The following ITGA3 variants were observed in gnomAD, a reference collection of about 807,000 sequenced individuals.
ITGA3 encodes the protein integrin subunit alpha 3.
A neutral mutation model predicts 131.1 loss-of-function variants in ITGA3; 70 were observed. The ratio of observed to expected loss-of-function variants is 0.53; its 90% CI spans 0.44 to 0.65. The LOEUF is 0.65. Ranked by LOEUF, ITGA3 falls within the 30% of genes least tolerant of loss-of-function variation. The probability of loss-of-function intolerance (pLI) is 0.00; values close to 1 mark genes in which losing one functional copy is unlikely to be tolerated. For missense variants in ITGA3, 1,098 were observed against 1,388.6 expected, an observed-to-expected ratio of 0.79 and a Z score of 3.33; for synonymous variants, 537 against 571.6, an observed-to-expected ratio of 0.94 and a Z score of 0.86.
chr17:50,088,351 C>G lies in ITGA3; in HGVS notation c.*16C>G. ...CGACTACTGAGGGGGCAGCCCCCCG[C>G]CCCCGGCCCACCTGGGTAACACGGC... On this transcript the variant is annotated 3_prime_UTR_variant, in exon 25 of 26. Transcript: ENST00000320031. 6.5e-7 allele frequency: 1 copy of G among 1,547,772 alleles called. No individual in the cohort carries two copies. Among genetic ancestry groups the G allele is most frequent in the Non-Finnish European group, 8.8e-7 (1 of 1,142,734 alleles).
chr17:50,087,902 C>A, intron 24 of ITGA3, 33 bp downstream of exon 24: 1 of 1,526,904 alleles, frequency 6.5e-7, no homozygotes, highest in Non-Finnish European at 8.9e-7. Flanking sequence ...GCTCCGGGAC[C>A]TCCACCAGCA....
chr17:50,076,530 C>A (rs1390476298), intron 13 of ITGA3, 54 bp from the exon 14 acceptor site: 10 of 1,594,784 alleles, frequency 6.3e-6, no homozygotes, highest in Non-Finnish European at 7.7e-6. Context: ...GGCGGTGGGG[C>A]GAGAGGGCAC....
rs751422066 is a variant in ITGA3, at chr17:50,077,131, C to T, written c.2070+10C>T. ...GTCCTCAGTGCGCCCCGTGAGTGCC[C>T]GCCGGCCGGCTCAGAGCCCAAGCAG... On this transcript the variant is annotated intron_variant, in intron 15 of 25. Coordinates refer to ENST00000320031, the MANE Select transcript of ITGA3 (RefSeq NM_002204.4). 5.9e-6 allele frequency: 9 copies of T among 1,531,362 alleles called. No individual in the cohort carries two copies. In the South Asian group the frequency reaches 6.0e-5, roughly 10 times the overall value. The allele number at this position is 1,531,362 out of a possible 1,614,324, so 94.9% of individuals were successfully genotyped here.
chr17:50,069,604 T>C (rs1434561205), intron 4 of ITGA3, among the ~76,000 whole-genome samples: 4 of 152,206 alleles, frequency 2.6e-5, no homozygotes. Context: ...AGGTTGAGGC[T>C]GCAGTGAGCT....
At chr17:50,072,570 G>A (rs1439819231) in intron 7 of ITGA3, among the ~76,000 whole-genome samples, 1 of 152,112 alleles carries the variant, frequency 6.6e-6, no homozygotes, top group Non-Finnish European at 1.5e-5. Context: ...GAGGATGGAT[G>A]CTTTGAAAGC....
rs1908747393 is a variant in ITGA3 at position 50,073,859 on chromosome 17, A to G, written c.1157-57A>G. 6 of 1,263,016 alleles carry G rather than the reference A, an allele frequency of 4.8e-6. No individual in the cohort carries two copies. The Admixed American group carries it at 5.0e-5, about 11-fold the overall frequency. 78.2% of individuals were successfully genotyped at this position (1,263,016 alleles called of 1,614,324 possible). ...GCTGTATGGCCTGGAGCAAAGAGTT[A>G]GGGAGACGTGGGGCCCAGAGTACCT... On this transcript the variant is annotated intron_variant, in intron 7 of 25. Transcript: ENST00000320031.
At chr17:50,075,119 A>G (rs1908820378) in intron 10 of ITGA3, among the ~76,000 whole-genome samples, 1 of 152,160 alleles carries the variant, frequency 6.6e-6, no homozygotes, top group Non-Finnish European at 1.5e-5. Context: ...GAGCAGGGAA[A>G]TGGGGTGGTT....
chr17:50,078,258 C>G lies in ITGA3; in HGVS notation c.2271C>G (p.Asp757Glu), dbSNP rs1909014493. 1 of 1,613,876 alleles carries G rather than the reference C, an allele frequency of 6.2e-7. No homozygotes were observed. Among genetic ancestry groups the G allele is most frequent in the Non-Finnish European group, 8.5e-7 (1 of 1,179,914 alleles). The change falls in exon 18 of 26, where the codon GAC becomes GAG. Residue 757 changes from aspartate (D) to glutamate (E), a missense_variant. By Grantham distance (45) the Asp-to-Glu change is conservative. Coordinates refer to ENST00000320031, the MANE Select transcript of ITGA3 (RefSeq NM_002204.4). Reference protein sequence around the residue: ...LWPMILTLLVDYTLQTSLSMV... With the variant: ...LWPMILTLLVEYTLQTSLSMV... ...CCATGATCCTCACTCTGCTGGTGGA[C>G]TATACACTCCAGACCTCGCTTAGCA...
chr17:50,077,492 G>C (rs748774665), intron 16 of ITGA3, 45 bp downstream of exon 16: 15 of 1,452,620 alleles, frequency 1.0e-5, no homozygotes, highest in Non-Finnish European at 1.5e-5. Flanking sequence ...GTCCCTGGCT[G>C]CACCTCTGAT....
At chr17:50,068,780 G>A (rs1486081077) in intron 4 of ITGA3, among the ~76,000 whole-genome samples, 1 of 151,822 alleles carries the variant, frequency 6.6e-6, no homozygotes, top group East Asian at 1.9e-4. Flanking sequence ...GGGATTATGG[G>A]CATGAGCCAC....
At chr17:50,081,836 C>T (rs1048921084) in intron 23 of ITGA3, among the ~76,000 whole-genome samples, 2 of 152,120 alleles carry the variant, frequency 1.3e-5, no homozygotes, top group Non-Finnish European at 2.9e-5. Context: ...CCCATTGTCA[C>T]ATCCACTATG....
Position 50,056,492 on chromosome 17 carries a change from C to T in ITGA3, c.53C>T (p.Ala18Val), listed in dbSNP as rs778533113. The T allele has an allele frequency of 6.5e-7, 1 of 1,549,658 alleles. No homozygotes were observed. The highest frequency in any genetic ancestry group is 1.2e-5 in the South Asian group (1 of 84,044). Reference protein sequence around the residue: ...APRAPRLMLCALALMVAAGGC... With the variant: ...APRAPRLMLCVLALMVAAGGC... ...CGCGCCCCACGCCTGATGCTCTGTG[C>T]GCTCGCCTTGATGGTGGCGGCCGGC... Residue 18 changes from alanine (A) to valine (V), a missense_variant, in exon 1 of 26, where the codon GCG (alanine) becomes GTG (valine). Physicochemically the swap from Ala to Val is moderately conservative, Grantham distance 64. Transcript: ENST00000320031. The surrounding 1 kb of genome is among the most constrained non-coding windows in gnomAD (Gnocchi z 5.6).
At chr17:50,075,869 T>C (rs1908867283) in intron 12 of ITGA3, 134 bp downstream of exon 12, 1 of 897,816 alleles carries the variant, frequency 1.1e-6, no homozygotes, top group Non-Finnish European at 1.7e-6. Context: ...TGGAAGGCTA[T>C]TGGTGTGTAG....
intron 10 of ITGA3, among the ~76,000 whole-genome samples, chr17:50,074,828 C>T (rs754817991): frequency 7.9e-5 from 12 of 152,064 alleles, no homozygotes; most frequent in Admixed American, 2.0e-4. Flanking sequence ...GAAAGGGGGA[C>T]GCATTTAAGT....
rs1281932004 is a variant in ITGA3 at position 50,077,083 on chromosome 17, G to T, written c.2032G>T (p.Val678Leu). Residue 678 changes from valine (V) to leucine (L), a missense_variant, in exon 15 of 26, where the codon GTG (valine) becomes TTG (leucine). Coordinates refer to ENST00000320031, the MANE Select transcript of ITGA3 (RefSeq NM_002204.4). ...EDAHEALLTL[V>L]VPPALLLSSV... is the part of the protein sequence containing the mutation. ...CGCCCACGAGGCGCTGCTCACCCTG[G>T]TGGTGCCTCCCGCCCTGCTGCTGTC... The T allele has an allele frequency of 4.4e-6, 7 of 1,586,468 alleles. No individual in the cohort carries two copies. Among genetic ancestry groups the T allele is most frequent in the African/African-American group, 1.3e-5 (1 of 74,316 alleles).
rs1318145033 is a variant in ITGA3 at position 50,077,025 on chromosome 17, G to C, written c.1974G>C (p.Thr658=). 21 of 1,611,286 alleles carry C rather than the reference G, an allele frequency of 1.3e-5. No homozygotes were observed. The highest frequency in any genetic ancestry group is 1.7e-5 in the Non-Finnish European group (20 of 1,178,698). ...AATTGCTCCTGAGCATCAACGTGAC[G>C]AACACCCGGACCTCGGAGCGCTCCG... The part of the protein sequence containing the change: ...VRKLLLSINV[T]NTRTSERSGE... The change falls in exon 15 of 26, where the codon ACG becomes ACC. Residue 658 remains threonine, a synonymous_variant. Transcript: ENST00000320031.
chr17:50,075,356 C>G, intron 10 of ITGA3, 103 bp from the exon 11 acceptor site: 2 of 1,225,462 alleles, frequency 1.6e-6, no homozygotes, highest in Non-Finnish European at 2.4e-6. Flanking sequence ...CTGCCTCTCT[C>G]CAGAAGGGCC....
intron 12 of ITGA3, among the ~76,000 whole-genome samples, 158 bp from the exon 13 acceptor site, chr17:50,076,168 C>T (rs987451192): frequency 6.9e-6 from 1 of 144,994 alleles, no homozygotes; most frequent in Non-Finnish European, 1.5e-5. Context: ...AGTAGGAAGT[C>T]GCAATTTGGC....
chr17:50,059,314 A>G (rs1023712334), intron 1 of ITGA3, among the ~76,000 whole-genome samples: 2 of 152,154 alleles, frequency 1.3e-5, no homozygotes, highest in African/African-American at 4.8e-5. Context: ...CCCTCCTGGG[A>G]ATCCAGGCAT....
Sources: gnomAD v4.1 joint callset for allele counts (sites outside exome capture counted in the v4.1 genomes callset) on GRCh38, gnomAD v4.1.1 for gene constraint, Gnocchi (gnomAD v3.1) non-coding constraint, MANE v1.5 for transcripts, NCBI Gene and HGNC (gene_info 2026-07-23, HGNC 2026-07-21) for gene names.